Variants in WWC1 observed in about 807,000 individuals in gnomAD.
The protein encoded by WWC1 is protein KIBRA.
WWC1 carries 55 observed loss-of-function variants against 138.4 expected under a neutral mutation model. The ratio of observed to expected loss-of-function variants is 0.40; its 90% CI spans 0.32 to 0.50. WWC1 has a LOEUF of 0.50. Among genes scored for constraint, WWC1 ranks in the 20% least tolerant of loss-of-function variants. WWC1 has a pLI of 0.72. For synonymous variants in WWC1, 524 were observed against 564.9 expected (o/e 0.93, Z 1.03); for missense variants, 1,226 against 1,420.4 (o/e 0.86, Z 2.20).
intron 1 of WWC1, among the ~76,000 whole-genome samples, chr5:168,314,932 G>A (rs1403021293): frequency 1.3e-5 from 2 of 152,148 alleles, no homozygotes; most frequent in African/African-American, 2.4e-5. Context: ...GCATTTTATC[G>A]GAAGCACGGA....
At chr5:168,468,278 A>G (rs1225522660) in intron 22 of WWC1, among the ~76,000 whole-genome samples, 1 of 152,186 alleles carries the variant, frequency 6.6e-6, no homozygotes, top group Non-Finnish European at 1.5e-5. Flanking sequence ...TGGCTGAATG[A>G]TAAATAAACC....
At chr5:168,421,868 T>C in intron 9 of WWC1, 140 bp from the exon 10 acceptor site, 3 of 610,002 alleles carry the variant, frequency 4.9e-6, no homozygotes, top group Non-Finnish European at 9.1e-6. Context: ...ATAATATATG[T>C]GGAAGCTCTA....
intron 5 of WWC1, among the ~76,000 whole-genome samples, chr5:168,405,679 C>A (rs571922891): frequency 1.3e-5 from 2 of 151,348 alleles, no homozygotes; most frequent in Non-Finnish European, 2.9e-5. Flanking sequence ...CACACGTTGG[C>A]CGTTTAACAG....
intron 1 of WWC1, among the ~76,000 whole-genome samples, chr5:168,314,064 C>T (rs150290945): frequency 5.1e-4 from 77 of 152,210 alleles, no homozygotes; most frequent in African/African-American, 1.7e-3. Flanking sequence ...CACGGGACAG[C>T]GGATGAGGGC....
At chr5:168,414,794 C>A in intron 9 of WWC1, 1 of 695,556 alleles carries the variant, frequency 1.4e-6, no homozygotes, top group Non-Finnish European at 2.3e-6. Context: ...TGGAATTTTG[C>A]ATGGTGAATC....
At chr5:168,460,549 G>T (rs901107331) in intron 19 of WWC1, 101 bp from the exon 20 acceptor site, 54 of 1,048,982 alleles carry the variant, frequency 5.1e-5, no homozygotes, top group Non-Finnish European at 7.3e-5. Flanking sequence ...GGAGAGGAAG[G>T]ACTGTGCCGA....
chr5:168,397,900 C>A, intron 4 of WWC1, 100 bp downstream of exon 4: 2 of 1,285,396 alleles, frequency 1.6e-6, no homozygotes, highest in Non-Finnish European at 2.3e-6. Flanking sequence ...TCCAGCCAGG[C>A]TATGACAGCC....
rs1294757434 is a variant in WWC1, at chr5:168,385,314, G to A, written c.333G>A (p.Lys111=). 16 of 1,613,984 alleles carry A rather than the reference G, an allele frequency of 9.9e-6. No individual in the cohort carries two copies. Among genetic ancestry groups the A allele is most frequent in the Non-Finnish European group, 1.3e-5 (15 of 1,179,968 alleles). The change falls in exon 3 of 23, where the codon AAG becomes AAA. Residue 111 remains lysine (K), a synonymous_variant. Transcript: ENST00000265293. The part of the protein sequence containing the change: ...VVAQEALSAQ[K]EIYQVKQQRL... Reference sequence around the variant, plus strand: ...CCCAGGAGGCTCTGAGTGCACAAAAGGAGATCTACCAGGTGAAGCAGCAGC... The same window carrying A: ...CCCAGGAGGCTCTGAGTGCACAAAAAGAGATCTACCAGGTGAAGCAGCAGC...
At chr5:168,331,892 T>C (rs574082160) in intron 1 of WWC1, among the ~76,000 whole-genome samples, 1 of 152,284 alleles carries the variant, frequency 6.6e-6, no homozygotes, top group East Asian at 1.9e-4. Flanking sequence ...ATGCCTGTAA[T>C]CCCAGCACTT....
intron 17 of WWC1, among the ~76,000 whole-genome samples, chr5:168,452,705 C>A (rs1056338229): frequency 6.6e-6 from 1 of 152,154 alleles, no homozygotes; most frequent in East Asian, 1.9e-4. Context: ...TTTATTCATA[C>A]TTGCTTGGAA....
At position 168,295,791 on chromosome 5, in the gene WWC1, C is replaced by T. The variant is rs114127758; in HGVS notation, c.119+3520C>T. 3.5e-3 allele frequency among the ~76,000 whole-genome samples: 530 copies of T among 152,278 alleles called. 3 individuals are homozygous for T. Among genetic ancestry groups the T allele is most frequent in the South Asian group, 6.0e-3 (29 of 4,824 alleles). On this transcript the variant is annotated intron_variant, in intron 1 of 22. Coordinates refer to ENST00000265293, the MANE Select transcript of WWC1 (RefSeq NM_015238.3). ...CCCTTTCACCAGGGGGTTGGAAGAG[C>T]AGCCAAGCAGCCAGCCTTGCCAACT...
intron 8 of WWC1, chr5:168,411,530 G>A (rs3926392): frequency 0.34 from 52,383 of 151,952 alleles, 11,682 homozygotes; most frequent in East Asian, 0.66. Flanking sequence ...CTAGCTTCAG[G>A]CACAGCTGGA....
chr5:168,329,569 G>A (rs1469858620), intron 1 of WWC1, among the ~76,000 whole-genome samples: 3 of 152,154 alleles, frequency 2.0e-5, no homozygotes, highest in East Asian at 1.9e-4. Flanking sequence ...TGTTTTAGGC[G>A]TTTGGGAGGA....
At position 168,444,594 on chromosome 5, in the gene WWC1, G is replaced by A; in HGVS notation, c.2525+9G>A. The A allele has an allele frequency of 6.2e-7, 1 of 1,613,090 alleles. No homozygotes were observed. Among genetic ancestry groups the A allele is most frequent in the Non-Finnish European group, 8.5e-7 (1 of 1,179,878 alleles). On this transcript the variant is annotated intron_variant, in intron 17 of 22. Transcript: ENST00000265293. ...ACACTGGAAGACAGCTGGTGAGTGAGCCCGCCCTTGGGCCCCAGGAGCTGC... is the reference window on the plus strand; with the variant it reads ...ACACTGGAAGACAGCTGGTGAGTGAACCCGCCCTTGGGCCCCAGGAGCTGC...
At chr5:168,316,282 G>A (rs1341365316) in intron 1 of WWC1, among the ~76,000 whole-genome samples, 6 of 152,336 alleles carry the variant, frequency 3.9e-5, no homozygotes, top group African/African-American at 1.4e-4. Flanking sequence ...AGTGAAGGGA[G>A]AGCAGGTGCC....
In WWC1 at chr5:168,356,869, G is replaced by A. The variant is rs568623312; in HGVS notation, c.120-14555G>A. Among the ~76,000 whole-genome samples, 406 of 152,290 alleles carry A rather than the reference G, an allele frequency of 2.7e-3. 1 individual carries two copies. Among genetic ancestry groups the A allele is most frequent in the Middle Eastern group, 0.01 (3 of 294 alleles). On this transcript the variant is annotated intron_variant, in intron 1 of 22. Transcript: ENST00000265293. ...GGAGACGGTTCCTGGTGGAGGAGAT[G>A]GAGCAGTGGGCCAAGGCTCAGGTGG...
chr5:168,452,343 T>A (rs1316590165), intron 17 of WWC1, among the ~76,000 whole-genome samples: 1 of 152,152 alleles, frequency 6.6e-6, no homozygotes, highest in African/African-American at 2.4e-5. Flanking sequence ...TGACTGTATT[T>A]GGAGGTAGGG....
At chr5:168,448,409 A>T (rs888325943) in intron 17 of WWC1, among the ~76,000 whole-genome samples, 1 of 151,976 alleles carries the variant, frequency 6.6e-6, no homozygotes, top group African/African-American at 2.4e-5. Flanking sequence ...ATTTTTTTTT[A>T]AAAGATCCAC....
chr5:168,459,646 G>C (rs1040387261), intron 19 of WWC1, among the ~76,000 whole-genome samples: 3 of 152,164 alleles, frequency 2.0e-5, no homozygotes, highest in African/African-American at 7.2e-5. Context: ...TTGAGGCCCT[G>C]CCTAGCCCAG....
Sources: allele counts gnomAD v4.1 joint callset (sites outside exome capture counted in the v4.1 genomes callset), GRCh38; gene constraint gnomAD v4.1.1; transcripts MANE v1.5; gene names NCBI Gene and HGNC (gene_info 2026-07-23, HGNC 2026-07-21).